The following ENTREP2 variants were observed in gnomAD, a reference collection of about 807,000 sequenced individuals.
ENTREP2 encodes endosomal transmembrane epsin interactor 2, also known as protein ENTREP2.
chr15:29,244,937 T>C, the ENTREP2 span, among the ~76,000 whole-genome samples: 2 of 152,214 alleles, frequency 1.3e-5, no homozygotes, highest in Non-Finnish European at 2.9e-5. Flanking sequence ...TGAAATACCA[T>C]CATCTAATGT....
chr15:29,295,352 C>G, the ENTREP2 span, among the ~76,000 whole-genome samples: 1 of 152,210 alleles, frequency 6.6e-6, no homozygotes, highest in African/African-American at 2.4e-5. Context: ...TGTCCCCCAC[C>G]TGGTCACTCC....
the ENTREP2 span, among the ~76,000 whole-genome samples, chr15:29,546,596 G>A: frequency 6.6e-6 from 1 of 152,094 alleles, no homozygotes; most frequent in African/African-American, 2.4e-5. Context: ...TATATAAACA[G>A]ATAAAATTGG....
the ENTREP2 span, among the ~76,000 whole-genome samples, chr15:29,184,413 C>G: frequency 6.6e-6 from 1 of 152,180 alleles, no homozygotes; most frequent in South Asian, 2.1e-4. Context: ...CCCTGCTCTG[C>G]TGCGATTCTT....
At chr15:29,609,361 C>T in the ENTREP2 span, among the ~76,000 whole-genome samples, 1 of 150,122 alleles carries the variant, frequency 6.7e-6, no homozygotes, top group East Asian at 2.0e-4. Flanking sequence ...AATGTTTGCC[C>T]CCTCCCAAAC....
the ENTREP2 span, among the ~76,000 whole-genome samples, chr15:29,302,999 A>G: frequency 1.3e-5 from 2 of 152,074 alleles, no homozygotes; most frequent in African/African-American, 4.8e-5. Context: ...CCAACTCTGC[A>G]TTACCCAGGG....
the ENTREP2 span, among the ~76,000 whole-genome samples, chr15:29,618,782 C>T: frequency 1.3e-5 from 2 of 152,152 alleles, no homozygotes; most frequent in African/African-American, 4.8e-5. Context: ...GCCCTCCCAC[C>T]CCAGGGTGGC....
chr15:29,308,173 C>A, the ENTREP2 span, among the ~76,000 whole-genome samples: 2 of 152,060 alleles, frequency 1.3e-5, no homozygotes, highest in Non-Finnish European at 2.9e-5. Context: ...TGTCTTGATG[C>A]TTGACCAGCC....
the ENTREP2 span, among the ~76,000 whole-genome samples, chr15:29,286,592 T>C: frequency 2.0e-5 from 3 of 152,184 alleles, no homozygotes; most frequent in Non-Finnish European, 4.4e-5. Flanking sequence ...GTCTGAGTCC[T>C]GGAGCCCCGG....
At chr15:29,193,831 C>A in the ENTREP2 span, among the ~76,000 whole-genome samples, 2 of 152,264 alleles carry the variant, frequency 1.3e-5, no homozygotes, top group South Asian at 4.1e-4. Context: ...AATCAAATTT[C>A]TATGTGCTAG....
At chr15:29,151,991 A>G in the ENTREP2 span, 1 of 650,350 alleles carries the variant, frequency 1.5e-6, no homozygotes, top group Non-Finnish European at 2.7e-6. Flanking sequence ...TTTTCCTCAT[A>G]ATCAAAATTG....
the ENTREP2 span, among the ~76,000 whole-genome samples, chr15:29,171,925 C>T: frequency 1.5e-4 from 23 of 152,336 alleles, no homozygotes; most frequent in Middle Eastern, 3.4e-3. Context: ...GAAACCAATA[C>T]TGACAGAGGT....
chr15:29,517,153 G>C, the ENTREP2 span, among the ~76,000 whole-genome samples: 1 of 152,042 alleles, frequency 6.6e-6, no homozygotes, highest in Admixed American at 6.6e-5. Flanking sequence ...ACAGGAAGCG[G>C]GGGAGCAGCG....
At chr15:29,513,717 A>T in the ENTREP2 span, among the ~76,000 whole-genome samples, 1 of 152,214 alleles carries the variant, frequency 6.6e-6, no homozygotes, top group Non-Finnish European at 1.5e-5. Context: ...TTCCACAAGG[A>T]GCATTCCCAC....
the ENTREP2 span, among the ~76,000 whole-genome samples, chr15:29,472,429 ACAC>A: frequency 3.6e-4 from 2 of 5,538 alleles, no homozygotes; most frequent in South Asian, 8.3e-3. Context: ...ACAACACACA[ACAC>A]ACACACACAC....
At chr15:29,292,743 G>C in the ENTREP2 span, among the ~76,000 whole-genome samples, 1 of 152,140 alleles carries the variant, frequency 6.6e-6, no homozygotes, top group Non-Finnish European at 1.5e-5. Flanking sequence ...TATGTATATG[G>C]CTTGGAAAAT....
chr15:29,553,669 T>C, the ENTREP2 span, among the ~76,000 whole-genome samples: 37 of 152,292 alleles, frequency 2.4e-4, 1 homozygote, highest in South Asian at 7.1e-3. Flanking sequence ...GTTCTTGGGA[T>C]ACTAGCTCTG....
the ENTREP2 span, among the ~76,000 whole-genome samples, chr15:29,454,706 C>T: frequency 4.6e-5 from 7 of 152,272 alleles, no homozygotes; most frequent in Admixed American, 6.5e-5. Flanking sequence ...CGAACAGCCA[C>T]GGAGTGAGCT....
chr15:29,497,355 T>C, the ENTREP2 span, among the ~76,000 whole-genome samples: 1,008 of 152,344 alleles, frequency 6.6e-3, 3 homozygotes, highest in Non-Finnish European at 0.01. Context: ...AATTCTTCTT[T>C]AAATGCTTGG....
chr15:29,480,745 G>A, the ENTREP2 span, among the ~76,000 whole-genome samples: 1 of 152,120 alleles, frequency 6.6e-6, no homozygotes, highest in Non-Finnish European at 1.5e-5. Context: ...TGGTTTAGAG[G>A]CATTGAACAT....
Sources: allele counts gnomAD v4.1 joint callset (sites outside exome capture counted in the v4.1 genomes callset), GRCh38; gene constraint gnomAD v4.1.1; transcripts MANE v1.5; gene names NCBI Gene and HGNC (gene_info 2026-07-23, HGNC 2026-07-21).